The following MPPED2 variants were observed in gnomAD, a reference collection of about 807,000 sequenced individuals.
MPPED2 encodes metallophosphoesterase domain containing 2.
MPPED2 carries 5 observed loss-of-function variants against 33.0 expected under a neutral mutation model. The observed-to-expected ratio is 0.15, with a 90% CI of 0.08 to 0.32. MPPED2 has a LOEUF of 0.32. MPPED2 is among the 10% of genes least tolerant of loss of function. The probability of loss-of-function intolerance (pLI) is 1.00; values close to 1 mark genes in which losing one functional copy is unlikely to be tolerated. For synonymous variants in MPPED2, 136 were observed against 141.9 expected (o/e 0.96, Z 0.29); for missense variants, 275 against 372.1 (o/e 0.74, Z 2.15).
At chr11:30,494,948 C>T (rs1050517016) in intron 4 of MPPED2, among the ~76,000 whole-genome samples, 1 of 151,960 alleles carries the variant, frequency 6.6e-6, no homozygotes, top group Non-Finnish European at 1.5e-5. Flanking sequence ...CGAGGATGTG[C>T]ATAGGTTATA....
chr11:30,571,015 C>A (rs1956664074), intron 2 of MPPED2, among the ~76,000 whole-genome samples: 1 of 152,166 alleles, frequency 6.6e-6, no homozygotes, highest in South Asian at 2.1e-4. Flanking sequence ...TAGAGTCCTG[C>A]AGTTTTTTAA....
At position 30,471,990 on chromosome 11, in the gene MPPED2, C is replaced by T. The variant is rs530468869; in HGVS notation, c.536+23306G>A. ...TTTTTCAGGGTTGCTAAAGTCAAAG[C>T]GTGATTCTTGTCAATCCCAGCTACA... On this transcript the variant is annotated intron_variant, in intron 4 of 6. Coordinates refer to ENST00000358117, the MANE Select transcript of MPPED2 (RefSeq NM_001584.3). 2.7e-5 allele frequency among the ~76,000 whole-genome samples: 4 copies of T among 147,582 alleles called. No individual in the cohort carries two copies. The South Asian group carries it at 8.7e-4, about 32-fold the overall frequency.
At chr11:30,577,387 C>G (rs893912584) in intron 2 of MPPED2, among the ~76,000 whole-genome samples, 1 of 152,110 alleles carries the variant, frequency 6.6e-6, no homozygotes, top group African/African-American at 2.4e-5. Context: ...CTTCAGAAAT[C>G]TCAAGTGTAA....
At chr11:30,438,014 A>G (rs75607442) in intron 4 of MPPED2, among the ~76,000 whole-genome samples, 1,748 of 152,326 alleles carry the variant, frequency 0.011, 18 homozygotes, top group Non-Finnish European at 0.017. Flanking sequence ...CCTAATCTGC[A>G]TAATGGGTAT....
chr11:30,524,511 A>G (rs1369159304), intron 3 of MPPED2, among the ~76,000 whole-genome samples: 2 of 152,224 alleles, frequency 1.3e-5, no homozygotes, highest in Non-Finnish European at 2.9e-5. Context: ...CCAAGTCTTC[A>G]TCAGTAAAAA....
chr11:30,399,403 C>T lies in MPPED2; in HGVS notation c.767-10447G>A, dbSNP rs1947880338. Among the ~76,000 whole-genome samples, 2 of 152,166 alleles carry T rather than the reference C, an allele frequency of 1.3e-5. 1 individual carries two copies. The highest frequency in any genetic ancestry group is 4.1e-4 in the South Asian group (2 of 4,824). ...TTTCCTCTAGAATTAAGACTTCCAT[C>T]ACAGAGAAATGGAATTCTTGATTCG... On this transcript the variant is annotated intron_variant, in intron 6 of 6. Coordinates refer to the MPPED2 transcript ENST00000448418.
chr11:30,406,723 C>T (rs533706670), downstream of MPPED2, among the ~76,000 whole-genome samples: 2 of 152,298 alleles, frequency 1.3e-5, no homozygotes, highest in African/African-American at 2.4e-5. Flanking sequence ...CAGAAGTGGT[C>T]CTGGGGCCTT....
At chr11:30,529,291 G>A (rs78362094) in intron 3 of MPPED2, among the ~76,000 whole-genome samples, 2,626 of 152,244 alleles carry the variant, frequency 0.017, 66 homozygotes, top group African/African-American at 0.06. Context: ...CAAATAGTAA[G>A]TAATTACTTT....
rs924971983 is a variant in MPPED2, at chr11:30,410,340, A to G, written c.*1128T>C. The stretch of plus-strand genomic sequence containing the variant: ...CATTAACAAAGTAACATAAAATAGA[A>G]TAAAGCTCAACAGCATTTACAATGG... On this transcript the variant is annotated 3_prime_UTR_variant, in exon 7 of 7. Coordinates refer to ENST00000358117, the MANE Select transcript of MPPED2 (RefSeq NM_001584.3). 1 of 985,656 alleles carries G rather than the reference A, an allele frequency of 1.0e-6. No homozygotes were observed. The highest frequency in any genetic ancestry group is 1.2e-6 in the Non-Finnish European group (1 of 829,834). The allele number at this position is 985,656 out of a possible 1,614,324, so 61.1% of individuals were successfully genotyped here.
chr11:30,575,772 C>T (rs1275594106), intron 2 of MPPED2, among the ~76,000 whole-genome samples: 1 of 152,152 alleles, frequency 6.6e-6, no homozygotes, highest in Non-Finnish European at 1.5e-5. Context: ...ATTCCATCCC[C>T]GCCTTGGGAC....
chr11:30,501,728 A>G (rs1324042114), intron 3 of MPPED2: 1 of 411,812 alleles, frequency 2.4e-6, no homozygotes, highest in African/African-American at 2.2e-5. Context: ...CAAGGAATAG[A>G]TGAAAAGTTT....
chr11:30,415,621 C>T (rs1948314815), intron 5 of MPPED2, among the ~76,000 whole-genome samples: 1 of 152,136 alleles, frequency 6.6e-6, no homozygotes, highest in Admixed American at 6.5e-5. Context: ...CTTTGCCTGA[C>T]CTTTTATTTG....
intron 3 of MPPED2, among the ~76,000 whole-genome samples, chr11:30,518,322 A>G (rs1953655922): frequency 6.6e-6 from 1 of 152,204 alleles, no homozygotes; most frequent in Non-Finnish European, 1.5e-5. Flanking sequence ...ACCTCTGTTT[A>G]TCTCCAAACC....
chr11:30,523,752 C>T (rs967690281), intron 3 of MPPED2, among the ~76,000 whole-genome samples: 2 of 151,538 alleles, frequency 1.3e-5, no homozygotes, highest in African/African-American at 4.8e-5. Context: ...CTCAGCCTCC[C>T]AAGTAGCTGG....
intron 6 of MPPED2, among the ~76,000 whole-genome samples, chr11:30,402,968 G>A (rs1490735256): frequency 5.9e-5 from 9 of 152,156 alleles, no homozygotes; most frequent in Admixed American, 5.2e-4. Context: ...AATGTAGGCC[G>A]GGCGCAGTGG....
chr11:30,407,001 T>G (rs1207026690), downstream of MPPED2, among the ~76,000 whole-genome samples: 1 of 152,178 alleles, frequency 6.6e-6, no homozygotes, highest in Non-Finnish European at 1.5e-5. Flanking sequence ...TGGATGAGAG[T>G]GGGGAATGGG....
At chr11:30,430,568 G>GA (rs1382929311) in intron 4 of MPPED2, among the ~76,000 whole-genome samples, 2 of 152,146 alleles carry the variant, frequency 1.3e-5, no homozygotes, top group Non-Finnish European at 2.9e-5. Flanking sequence ...CTTATACTAT[G>GA]ATTCAGTAAT....
intron 5 of MPPED2, among the ~76,000 whole-genome samples, chr11:30,416,230 A>G (rs928513062): frequency 3.3e-5 from 5 of 152,260 alleles, no homozygotes; most frequent in Non-Finnish European, 7.3e-5. Context: ...GCAAATCTAT[A>G]TAATTCCCAT....
chr11:30,498,324 C>G (rs1464172168), intron 3 of MPPED2, among the ~76,000 whole-genome samples: 1 of 152,054 alleles, frequency 6.6e-6, no homozygotes, highest in African/African-American at 2.4e-5. Flanking sequence ...GTGGCTCACA[C>G]CCGGAATCCC....
Sources: allele counts gnomAD v4.1 joint callset (sites outside exome capture counted in the v4.1 genomes callset), GRCh38; gene constraint gnomAD v4.1.1; transcripts MANE v1.5; gene names NCBI Gene and HGNC (gene_info 2026-07-23, HGNC 2026-07-21).